Variants in ASCC3 observed in about 807,000 individuals in gnomAD.
The protein encoded by ASCC3 is activating signal cointegrator 1 complex subunit 3.
In ASCC3, 158 loss-of-function variants were observed where a neutral mutation model predicts 256.3. That is an observed-to-expected ratio of 0.62 (90% CI 0.54 to 0.70). ASCC3 has a LOEUF of 0.70. ASCC3 is among the 30% of genes least tolerant of loss of function. ASCC3 has a pLI of 0.00. For missense variants in ASCC3, 2,259 were observed against 2,626.0 expected (o/e 0.86, Z 3.05); for synonymous variants, 948 against 883.4 (o/e 1.07, Z -1.30).
intron 3 of ASCC3, chr6:100,856,414 C>G: frequency 1.0e-6 from 1 of 983,446 alleles, no homozygotes; most frequent in Non-Finnish European, 1.2e-6. Flanking sequence ...AATAAATACA[C>G]AAGCATGTGT....
At chr6:100,840,286 T>C (rs369652490) in intron 4 of ASCC3, among the ~76,000 whole-genome samples, 4 of 152,142 alleles carry the variant, frequency 2.6e-5, no homozygotes, top group African/African-American at 9.7e-5. Context: ...TAGGAGTACA[T>C]TCAAAAAGTT....
intron 30 of ASCC3, among the ~76,000 whole-genome samples, chr6:100,608,731 TTATATATATATATATATATATA>T (rs1169558095): frequency 0.011 from 30 of 2,712 alleles, 5 homozygotes; most frequent in African/African-American, 0.028. Flanking sequence ...TATATATACT[TTATATATATATATATATATATA>T]TATATATATA....
At chr6:100,583,742 T>C (rs573154425) in intron 36 of ASCC3, among the ~76,000 whole-genome samples, 1 of 152,338 alleles carries the variant, frequency 6.6e-6, no homozygotes, top group African/African-American at 2.4e-5. Context: ...TAAATTTCCC[T>C]CTACACACTG....
chr6:100,833,414 T>C (rs1019554797), intron 4 of ASCC3, among the ~76,000 whole-genome samples: 5 of 152,138 alleles, frequency 3.3e-5, no homozygotes, highest in Non-Finnish European at 7.4e-5. Flanking sequence ...GCCCATACAA[T>C]GTATAATACC....
At chr6:100,537,251 C>A (rs1032939196) in intron 37 of ASCC3, among the ~76,000 whole-genome samples, 19 of 152,036 alleles carry the variant, frequency 1.2e-4, no homozygotes, top group Non-Finnish European at 8.8e-5. Flanking sequence ...AGAGGACAAA[C>A]CATCACTGCT....
At chr6:100,765,591 T>C (rs1169476347) in intron 10 of ASCC3, among the ~76,000 whole-genome samples, 2 of 152,192 alleles carry the variant, frequency 1.3e-5, no homozygotes, top group Admixed American at 1.3e-4. Flanking sequence ...AACAAATGTA[T>C]ATCTTACATG....
chr6:100,648,023 A>G (rs375142798), intron 20 of ASCC3, among the ~76,000 whole-genome samples: 19 of 152,260 alleles, frequency 1.2e-4, no homozygotes, highest in Middle Eastern at 3.4e-3. Flanking sequence ...CAAAAATTGC[A>G]TTTAATTGAT....
chr6:100,584,307 C>G (rs1012811014), intron 36 of ASCC3, among the ~76,000 whole-genome samples: 2 of 151,540 alleles, frequency 1.3e-5, no homozygotes, highest in African/African-American at 4.8e-5. Context: ...ATAGTTAGCT[C>G]TTCTTGTTGA....
intron 25 of ASCC3, among the ~76,000 whole-genome samples, chr6:100,635,791 T>C (rs1008407259): frequency 3.7e-4 from 56 of 152,148 alleles, no homozygotes; most frequent in Non-Finnish European, 5.4e-4. Flanking sequence ...TGACTTGTAA[T>C]GTATTTGATA....
intron 8 of ASCC3, among the ~76,000 whole-genome samples, chr6:100,774,331 G>A (rs1012328460): frequency 2.0e-5 from 3 of 151,780 alleles, no homozygotes; most frequent in Non-Finnish European, 4.4e-5. Flanking sequence ...TACATGACAC[G>A]TACATGTCAT....
At chr6:100,704,436 G>C (rs1317468079) in intron 13 of ASCC3, among the ~76,000 whole-genome samples, 1 of 151,942 alleles carries the variant, frequency 6.6e-6, no homozygotes, top group Non-Finnish European at 1.5e-5. Flanking sequence ...ATTATATCTG[G>C]AGAATATAAA....
At chr6:100,711,655 G>A (rs975155835) in intron 13 of ASCC3, among the ~76,000 whole-genome samples, 19 of 152,136 alleles carry the variant, frequency 1.2e-4, no homozygotes, top group African/African-American at 3.6e-4. Context: ...ACTTGAACCC[G>A]GAAGGTGGAG....
At chr6:100,556,648 T>C (rs1211132570) in intron 36 of ASCC3, among the ~76,000 whole-genome samples, 2 of 152,114 alleles carry the variant, frequency 1.3e-5, no homozygotes, top group East Asian at 3.8e-4. Flanking sequence ...ATTATGTATA[T>C]AATTGTAGAC....
At chr6:100,722,493 T>C (rs1353706853) in intron 11 of ASCC3, among the ~76,000 whole-genome samples, 1 of 151,804 alleles carries the variant, frequency 6.6e-6, no homozygotes. Context: ...CTTCAACTTG[T>C]TGCATATCTT....
chr6:100,516,200 G>A lies in ASCC3; in HGVS notation c.6055C>T (p.His2019Tyr). The A allele has an allele frequency of 6.2e-7, 1 of 1,613,620 alleles. No homozygotes were observed. Among genetic ancestry groups the A allele is most frequent in the Non-Finnish European group, 8.5e-7 (1 of 1,179,676 alleles). Reference protein sequence around the residue: ...VFSSMVESELHAAKTKQAWNF... With the variant: ...VFSSMVESELYAAKTKQAWNF... ...CTTACCTGTTTCGTTTTTGCAGCAT[G>A]TAGCTCACTTTCTACCATGGAGCTA... The change falls in exon 39 of 42, where the codon CAT becomes TAT. Residue 2019 changes from histidine to tyrosine, a missense_variant. By Grantham distance (83) the His-to-Tyr change is moderately conservative. This residue lies in a region of ASCC3 where 1,839 missense variants were observed against 2,206.7 expected (regional missense o/e 0.83). Transcript: ENST00000369162.
At chr6:100,666,772 AT>A (rs1776496363) in intron 14 of ASCC3, among the ~76,000 whole-genome samples, 1 of 152,140 alleles carries the variant, frequency 6.6e-6, no homozygotes, top group Admixed American at 6.6e-5. Context: ...GCAACCTCGT[AT>A]TTGTTATTGT....
At chr6:100,785,734 G>A (rs932473619) in intron 8 of ASCC3, among the ~76,000 whole-genome samples, 1 of 152,096 alleles carries the variant, frequency 6.6e-6, no homozygotes. Context: ...ATAAAATACT[G>A]ACAATACTCA....
chr6:100,777,652 C>T (rs1474767362), intron 8 of ASCC3, among the ~76,000 whole-genome samples: 1 of 151,936 alleles, frequency 6.6e-6, no homozygotes, highest in Non-Finnish European at 1.5e-5. Context: ...AACCAGGCCA[C>T]GAAAAAATTT....
At chr6:100,849,211 T>G (rs1772540749) in intron 3 of ASCC3, among the ~76,000 whole-genome samples, 1 of 152,176 alleles carries the variant, frequency 6.6e-6, no homozygotes, top group Non-Finnish European at 1.5e-5. Context: ...TTTAGGTAAA[T>G]AAATCATTAT....
Sources: gnomAD v4.1 joint callset for allele counts (sites outside exome capture counted in the v4.1 genomes callset) on GRCh38, gnomAD v4.1.1 for gene constraint, gnomAD v4.1.1 regional missense constraint, MANE v1.5 for transcripts, NCBI Gene and HGNC (gene_info 2026-07-23, HGNC 2026-07-21) for gene names.